Variants in CNTN1 observed in about 807,000 individuals in gnomAD.
CNTN1 encodes the protein contactin 1.
A neutral mutation model predicts 126.4 loss-of-function variants in CNTN1; 38 were observed. The ratio of observed to expected loss-of-function variants is 0.30; its 90% CI spans 0.23 to 0.39. The LOEUF (loss-of-function observed/expected upper bound fraction) is 0.39, where lower values mean the gene tolerates loss of function less well. Ranked by LOEUF, CNTN1 falls within the 10% of genes least tolerant of loss-of-function variation. The pLI, the probability that CNTN1 is intolerant of heterozygous loss-of-function variation, is 1.00. For missense variants in CNTN1, 1,009 were observed against 1,248.4 expected (o/e 0.81, Z 2.89); for synonymous variants, 413 against 422.6 (o/e 0.98, Z 0.28).
At chr12:40,721,125 C>G (rs945982532) in intron 1 of CNTN1, among the ~76,000 whole-genome samples, 1 of 152,022 alleles carries the variant, frequency 6.6e-6, no homozygotes, top group Admixed American at 6.6e-5. Context: ...TCTCCTCTTT[C>G]GGAATCCCAG....
intron 1 of CNTN1, among the ~76,000 whole-genome samples, chr12:40,883,409 T>C (rs10879309): frequency 0.54 from 82,275 of 151,240 alleles, 23,008 homozygotes; most frequent in African/African-American, 0.67. Flanking sequence ...ACTTAAAGCA[T>C]AAGCGTCATA....
chr12:41,067,926 TA>T (rs1005995461), intron 23 of CNTN1, among the ~76,000 whole-genome samples: 8 of 152,066 alleles, frequency 5.3e-5, no homozygotes, highest in East Asian at 1.9e-4. Flanking sequence ...AAGTAGAAGA[TA>T]AAAAAAATTA....
intron 1 of CNTN1, among the ~76,000 whole-genome samples, chr12:40,721,872 G>A (rs1942226356): frequency 6.6e-6 from 1 of 150,922 alleles, no homozygotes; most frequent in African/African-American, 2.4e-5. Context: ...CCCTACAAAG[G>A]ACATGAACTC....
intron 17 of CNTN1, among the ~76,000 whole-genome samples, chr12:41,001,095 C>T (rs1333880688): frequency 1.3e-5 from 2 of 152,110 alleles, no homozygotes; most frequent in African/African-American, 4.8e-5. Context: ...AATGAATACT[C>T]ATGCATGGGT....
At chr12:41,025,462 C>T in intron 21 of CNTN1, 126 bp downstream of exon 21, 3 of 877,824 alleles carry the variant, frequency 3.4e-6, no homozygotes, top group Non-Finnish European at 5.6e-6. Context: ...CCTTTACAGC[C>T]ACACAAGATT....
chr12:41,006,920 G>T (rs1948506450), intron 17 of CNTN1, among the ~76,000 whole-genome samples: 1 of 152,114 alleles, frequency 6.6e-6, no homozygotes, highest in Non-Finnish European at 1.5e-5. Flanking sequence ...AGGCCAGTTA[G>T]GTGCTAAGCA....
At chr12:40,730,700 C>CTATAATTTCATA (rs1942475787) in intron 1 of CNTN1, among the ~76,000 whole-genome samples, 1 of 152,176 alleles carries the variant, frequency 6.6e-6, no homozygotes, top group African/African-American at 2.4e-5. Flanking sequence ...TTTCATACCA[C>CTATAATTTCATA]TGACATGTTA....
At chr12:40,758,018 C>T (rs1198702287) in intron 1 of CNTN1, among the ~76,000 whole-genome samples, 1 of 151,634 alleles carries the variant, frequency 6.6e-6, no homozygotes, top group Non-Finnish European at 1.5e-5. Flanking sequence ...GTAAATCTGT[C>T]TCCCCTTCTT....
At chr12:40,946,946 T>A (rs941843782) in intron 14 of CNTN1, among the ~76,000 whole-genome samples, 2 of 152,002 alleles carry the variant, frequency 1.3e-5, no homozygotes, top group Admixed American at 6.6e-5. Context: ...GATTTTTAAA[T>A]GTCTTCTTTA....
chr12:40,888,677 A>C (rs761429138), intron 1 of CNTN1, among the ~76,000 whole-genome samples: 18 of 152,344 alleles, frequency 1.2e-4, no homozygotes, highest in Non-Finnish European at 1.8e-4. Flanking sequence ...CTTTTTGTGG[A>C]CTGCAGAAAT....
intron 6 of CNTN1, among the ~76,000 whole-genome samples, chr12:40,926,206 T>TAGATAGATAGAC (rs549441170): frequency 6.6e-6 from 1 of 151,476 alleles, no homozygotes; most frequent in African/African-American, 2.4e-5. Flanking sequence ...GATAGATAGA[T>TAGATAGATAGAC]AGATAGATAG....
At chr12:40,727,742 T>C (rs1592018723) in intron 1 of CNTN1, among the ~76,000 whole-genome samples, 2 of 152,330 alleles carry the variant, frequency 1.3e-5, no homozygotes, top group Admixed American at 1.3e-4. Context: ...AAAATACATA[T>C]AGGATATTTA....
intron 19 of CNTN1, among the ~76,000 whole-genome samples, chr12:41,018,658 AT>A (rs1378904375): frequency 6.7e-6 from 1 of 150,012 alleles, no homozygotes; most frequent in East Asian, 1.9e-4. Context: ...TTTTTACTAT[AT>A]TTTTTACTGC....
chr12:40,955,578 G>A (rs554224191), intron 14 of CNTN1, among the ~76,000 whole-genome samples: 1 of 152,134 alleles, frequency 6.6e-6, no homozygotes, highest in South Asian at 2.1e-4. Context: ...CTGAAAGAAT[G>A]TCTATTTAAT....
At position 40,943,991 on chromosome 12, in the gene CNTN1, A is replaced by G. The variant is rs748716731; in HGVS notation, c.1508-4A>G. On this transcript the variant is annotated splice_region_variant and splice_polypyrimidine_tract_variant and intron_variant, in intron 13 of 23. Coordinates refer to ENST00000551295, the MANE Select transcript of CNTN1 (RefSeq NM_001843.4). ...AATTGTGCTTTACATTTAAAAATAT[A>G]TAGATCCTACGCGAATTATATTGGC... 3 of 1,612,876 alleles carry G rather than the reference A, an allele frequency of 1.9e-6. No individual in the cohort carries two copies. The South Asian group carries it at 3.3e-5, about 18-fold the overall frequency.
chr12:40,842,611 T>C (rs754171153), intron 1 of CNTN1, among the ~76,000 whole-genome samples: 28 of 152,118 alleles, frequency 1.8e-4, no homozygotes, highest in Non-Finnish European at 3.2e-4. Context: ...GCTTCCTTCC[T>C]ATCTCTGTCA....
At position 40,746,992 on chromosome 12, in the gene CNTN1, G is replaced by T. The variant is rs189010894; in HGVS notation, c.-77+54400G>T. On this transcript the variant is annotated intron_variant, in intron 1 of 23. Transcript: ENST00000551295. Reference sequence around the variant, plus strand: ...ACAACTGCCTGGCCATCACCTGATGGTTGCCTGACATTCCTGGTGGGGTAC... The same window carrying T: ...ACAACTGCCTGGCCATCACCTGATGTTTGCCTGACATTCCTGGTGGGGTAC... Among the ~76,000 whole-genome samples, 58 of 152,146 alleles carry T rather than the reference G, an allele frequency of 3.8e-4. 1 individual carries two copies. The highest frequency in any genetic ancestry group is 3.7e-3 in the Admixed American group (57 of 15,262).
At chr12:40,854,431 C>T (rs182190431) in intron 1 of CNTN1, among the ~76,000 whole-genome samples, 66 of 152,156 alleles carry the variant, frequency 4.3e-4, no homozygotes, top group African/African-American at 1.6e-3. Context: ...AGTTTCATCT[C>T]ATCTCATATT....
intron 23 of CNTN1, among the ~76,000 whole-genome samples, chr12:41,047,238 C>T (rs1027902648): frequency 2.6e-5 from 4 of 152,116 alleles, no homozygotes; most frequent in Non-Finnish European, 5.9e-5. Flanking sequence ...CTGATTAACA[C>T]GGATCCAGGT....
Sources: gnomAD v4.1 joint callset for allele counts (sites outside exome capture counted in the v4.1 genomes callset) on GRCh38, gnomAD v4.1.1 for gene constraint, MANE v1.5 for transcripts, NCBI Gene and HGNC (gene_info 2026-07-23, HGNC 2026-07-21) for gene names.